LOXHD1: variants seen among roughly 807,000 people sequenced by gnomAD.
LOXHD1 encodes the protein lipoxygenase homology domain-containing protein 1.
In LOXHD1, 205 loss-of-function variants were observed where a neutral mutation model predicts 248.2. That is an observed-to-expected ratio of 0.83 (90% CI 0.74 to 0.93). The LOEUF is 0.93. Among genes scored for constraint, LOXHD1 ranks in the 40% least tolerant of loss-of-function variants. The pLI is 0.00. For synonymous variants in LOXHD1, 1,113 were observed against 1,162.8 expected (o/e 0.96, Z 0.87); for missense variants, 2,930 against 2,971.6 (o/e 0.99, Z 0.33).
chr18:46,560,637 C>G, intron 18 of LOXHD1, 92 bp from the exon 19 acceptor site: 2 of 1,216,064 alleles, frequency 1.6e-6, no homozygotes, highest in South Asian at 1.5e-5. Flanking sequence ...AGGCACAAGG[C>G]CTGTTTGCTA....
At chr18:46,570,605 TG>T (rs1467941898) in intron 15 of LOXHD1, among the ~76,000 whole-genome samples, 2 of 152,198 alleles carry the variant, frequency 1.3e-5, no homozygotes, top group African/African-American at 4.8e-5. Flanking sequence ...CAGCAGAGAC[TG>T]GGAAGGAGAC....
Position 46,541,892 on chromosome 18 carries a change from G to T in LOXHD1, c.3797C>A (p.Ser1266Tyr). ...GGGAAACGTCATGCACTTCCCAAGA[G>T]ATGGGGCATCCACCTCTACCCAGTC... ...FVDWVEVDAP[S>Y]LGKCMTFPCG... is the part of the protein sequence containing the mutation. Residue 1266 changes from serine to tyrosine, a missense_variant, in exon 25 of 41, where the codon TCT (serine) becomes TAT (tyrosine). Coordinates refer to ENST00000642948, the MANE Select transcript of LOXHD1 (RefSeq NM_001384474.1). The T allele has an allele frequency of 1.3e-6, 2 of 1,551,742 alleles. No homozygotes were observed. The highest frequency in any genetic ancestry group is 1.7e-6 in the Non-Finnish European group (2 of 1,147,004).
intron 29 of LOXHD1, 36 bp from the exon 30 acceptor site, chr18:46,524,953 G>A (rs1238755287): frequency 8.4e-6 from 13 of 1,548,866 alleles, no homozygotes; most frequent in African/African-American, 1.4e-5. Context: ...ATATGGGGGT[G>A]TGCCACCCAC....
At chr18:46,524,027 T>C (rs1443975735) in intron 31 of LOXHD1, among the ~76,000 whole-genome samples, 2 of 152,208 alleles carry the variant, frequency 1.3e-5, no homozygotes, top group African/African-American at 4.8e-5. Context: ...TATTGTTTTA[T>C]GGAGGAAGAA....
chr18:46,545,320 T>C lies in LOXHD1; in HGVS notation c.3616A>G (p.Thr1206Ala), dbSNP rs1270640971. The C allele has an allele frequency of 1.3e-6, 2 of 1,550,596 alleles. No homozygotes were observed. Among genetic ancestry groups the C allele is most frequent in the Non-Finnish European group, 1.7e-6 (2 of 1,145,962 alleles). The part of the protein sequence containing the change: ...FITLFGTQDD[T>A]GMTLLKSSKT... ...TGGCCCTGCACTGCTTTCTTACCAGTGTCATCCTGTGTGCCAAAGAGTGTG... is the reference window on the plus strand; with the variant it reads ...TGGCCCTGCACTGCTTTCTTACCAGCGTCATCCTGTGTGCCAAAGAGTGTG... The change falls in exon 23 of 41, where the codon ACT becomes GCT. Residue 1206 changes from threonine (T) to alanine (A), a missense_variant. Coordinates refer to ENST00000642948, the MANE Select transcript of LOXHD1 (RefSeq NM_001384474.1).
At chr18:46,521,403 C>T in intron 32 of LOXHD1, 121 bp from the exon 33 acceptor site, 3 of 1,120,440 alleles carry the variant, frequency 2.7e-6, no homozygotes, top group Non-Finnish European at 2.6e-6. Context: ...GGCCCAGGTC[C>T]CTCCCATGAA....
chr18:46,494,770 T>G (rs1333877848), intron 37 of LOXHD1, among the ~76,000 whole-genome samples: 7 of 152,122 alleles, frequency 4.6e-5, no homozygotes, highest in Non-Finnish European at 1.0e-4. Flanking sequence ...TCACTGTGGT[T>G]TTGGCAAAAC....
chr18:46,604,080 A>C (rs2038377801), intron 7 of LOXHD1, 26 bp downstream of exon 7: 1 of 1,551,442 alleles, frequency 6.4e-7, no homozygotes, highest in Admixed American at 2.0e-5. Flanking sequence ...AATACCCAAA[A>C]GAGCCTCCCC....
intron 17 of LOXHD1, among the ~76,000 whole-genome samples, chr18:46,565,024 G>T (rs1011264926): frequency 6.6e-6 from 1 of 152,110 alleles, no homozygotes; most frequent in Non-Finnish European, 1.5e-5. Flanking sequence ...AGCACTTTGG[G>T]AGCCCAAGGC....
At chr18:46,545,493 A>G (rs1171284622) in intron 22 of LOXHD1, 72 bp from the exon 23 acceptor site, 3 of 1,159,616 alleles carry the variant, frequency 2.6e-6, no homozygotes, top group Non-Finnish European at 3.8e-6. Flanking sequence ...GAGGACAGCC[A>G]CCTCCTCTAG....
At chr18:46,639,189 C>T (rs1462830736) in intron 4 of LOXHD1, among the ~76,000 whole-genome samples, 1 of 152,188 alleles carries the variant, frequency 6.6e-6, no homozygotes, top group Non-Finnish European at 1.5e-5. Flanking sequence ...CTGGCTGCTG[C>T]AAGCTCTGAT....
intron 6 of LOXHD1, among the ~76,000 whole-genome samples, chr18:46,607,738 G>A (rs930829423): frequency 2.6e-5 from 4 of 152,004 alleles, no homozygotes; most frequent in Non-Finnish European, 5.9e-5. Context: ...CAATGATGTG[G>A]TGGGAATTTG....
Position 46,579,755 on chromosome 18 carries a change from C to G in LOXHD1, c.1684G>C (p.Gly562Arg), listed in dbSNP as rs2144147729. The G allele has an allele frequency of 6.4e-7, 1 of 1,551,846 alleles. No individual in the cohort carries two copies. Among genetic ancestry groups the G allele is most frequent in the Non-Finnish European group, 8.7e-7 (1 of 1,147,010 alleles). The change falls in exon 13 of 41, where the codon GGT becomes CGT. Residue 562 changes from glycine to arginine, a missense_variant. Transcript: ENST00000642948. ...MARYHVTVCT[G>R]ELEGAGTDAN... ...TCGGTCCCAGCACCTTCAAGTTCAC[C>G]TGTGCACACAGTCACATGGTACCGG...
At chr18:46,555,410 A>C in intron 21 of LOXHD1, 1 of 263,580 alleles carries the variant, frequency 3.8e-6, no homozygotes, top group South Asian at 4.2e-5. Flanking sequence ...ATGTGGTTTC[A>C]CAATGACCTC....
At chr18:46,593,538 A>C in intron 10 of LOXHD1, 62 bp downstream of exon 10, 1 of 1,526,088 alleles carries the variant, frequency 6.6e-7, no homozygotes, top group Non-Finnish European at 8.9e-7. Context: ...CAGAATCCCC[A>C]GGACGAATGC....
intron 35 of LOXHD1, among the ~76,000 whole-genome samples, chr18:46,508,971 G>A (rs1430075473): frequency 6.6e-6 from 1 of 152,154 alleles, no homozygotes; most frequent in Non-Finnish European, 1.5e-5. Flanking sequence ...CCGCACAGCT[G>A]GGGAAGGTGA....
chr18:46,624,454 G>A (rs956515213), intron 4 of LOXHD1, among the ~76,000 whole-genome samples: 1 of 152,196 alleles, frequency 6.6e-6, no homozygotes, highest in Non-Finnish European at 1.5e-5. Flanking sequence ...GGGGGACAAT[G>A]CCATGTGCCG....
intron 34 of LOXHD1, among the ~76,000 whole-genome samples, chr18:46,515,444 C>T (rs919225667): frequency 6.6e-6 from 1 of 152,020 alleles, no homozygotes; most frequent in Non-Finnish European, 1.5e-5. Flanking sequence ...GATGGCTCCC[C>T]TCACAAAATA....
intron 1 of LOXHD1, among the ~76,000 whole-genome samples, chr18:46,655,195 T>C (rs544242290): frequency 6.6e-6 from 1 of 152,308 alleles, no homozygotes; most frequent in South Asian, 2.1e-4. Context: ...GAGGTTCTTG[T>C]TGTCCATCCT....
Sources: gnomAD v4.1 joint callset for allele counts (sites outside exome capture counted in the v4.1 genomes callset) on GRCh38, gnomAD v4.1.1 for gene constraint, MANE v1.5 for transcripts, NCBI Gene and HGNC (gene_info 2026-07-23, HGNC 2026-07-21) for gene names.